The following UNC13B variants were observed in gnomAD, a reference collection of about 807,000 sequenced individuals.
The protein encoded by UNC13B is unc-13 homolog B.
UNC13B carries 144 observed loss-of-function variants against 211.0 expected under a neutral mutation model. The ratio of observed to expected loss-of-function variants is 0.68; its 90% confidence interval spans 0.60 to 0.78. UNC13B has a LOEUF of 0.78. Among genes scored for constraint, UNC13B ranks in the 30% least tolerant of loss-of-function variants. The pLI, the probability that UNC13B is intolerant of heterozygous loss-of-function variation, is 0.00. For synonymous variants in UNC13B, 709 were observed against 725.8 expected, an observed-to-expected ratio of 0.98 and a Z score of 0.37; for missense variants, 1,777 against 2,002.0, an observed-to-expected ratio of 0.89 and a Z score of 2.14.
chr9:35,336,585 G>A lies in UNC13B; in HGVS notation c.9414+22596G>A, dbSNP rs561147863. On this transcript the variant is annotated intron_variant, in intron 11 of 39. Transcript: ENST00000635942. Reference sequence around the variant, plus strand: ...GATCATGGCTCACTGCTGCCTTGACGCCCTGGGCTTAGGATATCTTAGGTT... The same window carrying A: ...GATCATGGCTCACTGCTGCCTTGACACCCTGGGCTTAGGATATCTTAGGTT... Among the ~76,000 whole-genome samples the A allele has an allele frequency of 7.2e-5, 11 of 152,022 alleles. 1 individual carries two copies. Among genetic ancestry groups the A allele is most frequent in the South Asian group, 6.2e-4 (3 of 4,806 alleles).
chr9:35,370,754 T>G (rs1197083620), intron 13 of UNC13B, among the ~76,000 whole-genome samples: 2 of 152,228 alleles, frequency 1.3e-5, no homozygotes, highest in Non-Finnish European at 2.9e-5. Flanking sequence ...TCTTGATCAT[T>G]GAGCTTGGTA....
Position 35,378,447 on chromosome 9 carries a change from G to A in UNC13B, c.10205+11G>A, listed in dbSNP as rs747067627. 3.7e-6 allele frequency: 6 copies of A among 1,614,156 alleles called. No homozygotes were observed. Among genetic ancestry groups the A allele is most frequent in the Middle Eastern group, 1.6e-4 (1 of 6,062 alleles). On this transcript the variant is annotated intron_variant, in intron 17 of 39. Coordinates refer to ENST00000635942, the MANE Select transcript of UNC13B (RefSeq NM_001371189.2). ...GGAGAAGTTCCATTTGTAAGTCACA[G>A]AGAGCTTTGTCTTACCTGGGACTGT...
intron 14 of UNC13B, among the ~76,000 whole-genome samples, chr9:35,375,438 G>A (rs1178466356): frequency 6.6e-6 from 1 of 152,216 alleles, no homozygotes; most frequent in Non-Finnish European, 1.5e-5. Context: ...CTGAACTCAA[G>A]GTTTTATGAT....
intron 11 of UNC13B, among the ~76,000 whole-genome samples, chr9:35,354,991 A>T (rs1230878695): frequency 6.6e-6 from 1 of 152,242 alleles, no homozygotes; most frequent in African/African-American, 2.4e-5. Context: ...ATTAAAAATA[A>T]CCTAAAAATT....
At position 35,236,484 on chromosome 9, in the gene UNC13B, G is replaced by T; in HGVS notation, c.168G>T (p.Leu56=). ...EQDFMFEISR[L]DLGLSVEVWN... is the part of the protein sequence containing the mutation. ...TTTCCCTTAGTGAGATTAGTCGCCT[G>T]GACCTGGGTCTAAGTGTGGAGGTAT... Residue 56 remains leucine (L), a synonymous_variant, in exon 4 of 40, where the codon CTG becomes CTT. Coordinates refer to ENST00000635942, the MANE Select transcript of UNC13B (RefSeq NM_001371189.2). The T allele has an allele frequency of 6.2e-7, 1 of 1,614,020 alleles. No homozygotes were observed. The highest frequency in any genetic ancestry group is 8.5e-7 in the Non-Finnish European group (1 of 1,179,926).
Position 35,384,287 on chromosome 9 carries a change from A to T in UNC13B, c.10848A>T (p.Ser3616=), listed in dbSNP as rs551326046. The T allele has an allele frequency of 6.2e-7, 1 of 1,614,048 alleles. No homozygotes were observed. Among genetic ancestry groups the T allele is most frequent in the African/African-American group, 1.3e-5 (1 of 75,048 alleles). ...FVKLLDQLHN[S]LRIDLSTYRN... The stretch of plus-strand genomic sequence containing the variant: ...AACTGCTGGACCAGCTACACAACTC[A>T]CTGAGGATCGACCTCTCTACATACA... The change falls in exon 22 of 40, where the codon TCA becomes TCT. Residue 3616 remains serine, a synonymous_variant. Transcript: ENST00000635942.
intron 1 of UNC13B, among the ~76,000 whole-genome samples, chr9:35,203,307 T>C (rs1420626353): frequency 2.6e-5 from 4 of 152,202 alleles, no homozygotes; most frequent in Admixed American, 2.6e-4. Flanking sequence ...GTTGTTCCTT[T>C]CCATGTTTAG....
chr9:35,385,340 A>G, intron 22 of UNC13B: 3 of 985,476 alleles, frequency 3.0e-6, no homozygotes, highest in Non-Finnish European at 3.6e-6. Flanking sequence ...CTTATATTCC[A>G]GGATATACAG....
intron 6 of UNC13B, among the ~76,000 whole-genome samples, chr9:35,247,942 C>T (rs1278074003): frequency 2.0e-5 from 3 of 152,072 alleles, no homozygotes; most frequent in South Asian, 2.1e-4. Flanking sequence ...CCAGCTCCTC[C>T]TTGTACCTCT....
chr9:35,376,395 C>G (rs1834413407), intron 15 of UNC13B, 148 bp downstream of exon 15: 1 of 840,980 alleles, frequency 1.2e-6, no homozygotes, highest in African/African-American at 1.7e-5. Context: ...AGGTAGGATT[C>G]TGAATCAAGG....
Position 35,397,229 on chromosome 9 carries a change from C to T in UNC13B, c.11595C>T (p.Leu3865=). ...SCSVVDVFTQ[L]NQSFEIIRKL... ...CTGTGGTGGATGTCTTCACACAACT[C>T]AATCAGAGCTTTGAGATCATCCGGA... Residue 3865 remains leucine (L), a synonymous_variant, in exon 29 of 40, where the codon CTC becomes CTT. Transcript: ENST00000635942. 6.2e-7 allele frequency: 1 copy of T among 1,614,210 alleles called. No homozygotes were observed. Among genetic ancestry groups the T allele is most frequent in the Non-Finnish European group, 8.5e-7 (1 of 1,180,040 alleles).
At chr9:35,378,187 G>T in intron 16 of UNC13B, 108 bp from the exon 17 acceptor site, 1 of 1,422,766 alleles carries the variant, frequency 7.0e-7, no homozygotes, top group South Asian at 1.3e-5. Flanking sequence ...ATGGGATTAC[G>T]GTATCTGTGC....
At chr9:35,185,722 C>T (rs920392291) in intron 1 of UNC13B, among the ~76,000 whole-genome samples, 14 of 151,614 alleles carry the variant, frequency 9.2e-5, no homozygotes, top group African/African-American at 3.1e-4. Flanking sequence ...GAGTTCGAGA[C>T]CAGTCTGGCC....
Position 35,314,004 on chromosome 9 carries a change from CT to C in UNC13B, c.9414+16del. On this transcript the variant is annotated intron_variant, in intron 11 of 39. Transcript: ENST00000635942. ...AGCTGCAGGAGGTAGGAAATCTGTTCTAGTACTGGTTGGGACAATTTTTCCT... is the reference window on the plus strand; with the variant it reads ...AGCTGCAGGAGGTAGGAAATCTGTTCAGTACTGGTTGGGACAATTTTTCCT... The C allele has an allele frequency of 1.2e-6, 2 of 1,606,110 alleles. No individual in the cohort carries two copies. The highest frequency in any genetic ancestry group is 1.7e-6 in the Non-Finnish European group (2 of 1,172,814).
chr9:35,177,051 A>G (rs1174335949), intron 1 of UNC13B, among the ~76,000 whole-genome samples: 2 of 152,088 alleles, frequency 1.3e-5, no homozygotes, highest in Admixed American at 6.6e-5. Context: ...CGGCCTCCCA[A>G]AGTGCTAGGA....
At chr9:35,398,311 C>A (rs376769377) in intron 31 of UNC13B, 23 bp downstream of exon 31, 3 of 1,607,746 alleles carry the variant, frequency 1.9e-6, no homozygotes, top group African/African-American at 2.7e-5. Flanking sequence ...GTTTGGGAGT[C>A]ACTGTATTTT....
At position 35,229,033 on chromosome 9, in the gene UNC13B, A is replaced by G. The variant is rs115425035; in HGVS notation, c.52+989A>G. Among the ~76,000 whole-genome samples the G allele has an allele frequency of 4.9e-3, 748 of 152,282 alleles. 5 individuals carry two copies. Among genetic ancestry groups the G allele is most frequent in the African/African-American group, 0.016 (683 of 41,538 alleles). On this transcript the variant is annotated intron_variant, in intron 2 of 39. Coordinates refer to ENST00000635942, the MANE Select transcript of UNC13B (RefSeq NM_001371189.2). The stretch of plus-strand genomic sequence containing the variant: ...TTGTTCTCTTGCAAGTTTTTACTAT[A>G]TATACCGAGACCAAAAGTTTATGAA...
rs763817091 is a variant in UNC13B, at chr9:35,378,433, ATTTGT to A, written c.10203_10205+2del. 6.2e-7 allele frequency: 1 copy of A among 1,614,188 alleles called. No homozygotes were observed. The highest frequency in any genetic ancestry group is 8.5e-7 in the Non-Finnish European group (1 of 1,180,024). Reference sequence around the variant, plus strand: ...AATCCTGTTTGGGAGGAGAAGTTCCATTTGTAAGTCACAGAGAGCTTTGTCTTACC... The same window carrying A: ...AATCCTGTTTGGGAGGAGAAGTTCCAAAGTCACAGAGAGCTTTGTCTTACC... On this transcript the variant is annotated splice_donor_variant and coding_sequence_variant, in exon 17 of 40. Transcript: ENST00000635942. LOFTEE classifies it high-confidence loss of function.
intron 7 of UNC13B, among the ~76,000 whole-genome samples, chr9:35,278,863 C>T (rs1175851771): frequency 6.6e-6 from 1 of 152,210 alleles, no homozygotes; most frequent in South Asian, 2.1e-4. Flanking sequence ...CCACTACTGC[C>T]ATTTACTGTG....
Sources: gnomAD v4.1 joint callset for allele counts (sites outside exome capture counted in the v4.1 genomes callset) on GRCh38, gnomAD v4.1.1 for gene constraint, MANE v1.5 for transcripts, NCBI Gene and HGNC (gene_info 2026-07-23, HGNC 2026-07-21) for gene names.